Variants in ACAP2 observed in about 807,000 individuals in gnomAD.
ACAP2 encodes ArfGAP with coiled-coil, ankyrin repeat and PH domains 2, also known as arf-GAP with coiled-coil, ANK repeat and PH domain-containing protein 2.
Under a neutral mutation model 115.8 loss-of-function variants are expected in ACAP2, and 39 were observed. That is an observed-to-expected ratio of 0.34 (90% CI 0.26 to 0.44). The LOEUF is 0.44. Among genes scored for constraint, ACAP2 ranks in the 20% least tolerant of loss-of-function variants. ACAP2 has a pLI of 1.00. For synonymous variants in ACAP2, 289 were observed against 315.8 expected, an observed-to-expected ratio of 0.92 and a Z score of 0.90; for missense variants, 662 against 927.6, an observed-to-expected ratio of 0.71 and a Z score of 3.72.
Position 195,276,592 on chromosome 3 carries a change from A to G in ACAP2, c.*2736T>C, listed in dbSNP as rs1307288887. On this transcript the variant is annotated 3_prime_UTR_variant, in exon 23 of 23. Transcript: ENST00000326793. ...AATAATAAGGAATAAGAAACTAATAATAGCAGATAAGTTATGGAAAGAAAA... is the reference window on the plus strand; with the variant it reads ...AATAATAAGGAATAAGAAACTAATAGTAGCAGATAAGTTATGGAAAGAAAA... 6.6e-6 allele frequency: 1 copy of G among 152,244 alleles called. No individual in the cohort carries two copies. The highest frequency in any genetic ancestry group is 1.5e-5 in the Non-Finnish European group (1 of 68,040). 9.4% of individuals were successfully genotyped at this position (152,244 alleles called of 1,614,324 possible).
At chr3:195,312,004 TTATTAA>T (rs1468667457) in intron 10 of ACAP2, among the ~76,000 whole-genome samples, 3 of 150,636 alleles carry the variant, frequency 2.0e-5, no homozygotes, top group Non-Finnish European at 3.0e-5. Context: ...TTATTAAATA[TTATTAA>T]TATTAACATA....
At chr3:195,433,281 CTT>C (rs1577477601) in intron 1 of ACAP2, among the ~76,000 whole-genome samples, 1 of 152,182 alleles carries the variant, frequency 6.6e-6, no homozygotes, top group South Asian at 2.1e-4. Context: ...TTTATTTGTA[CTT>C]TGTTATCGTT....
chr3:195,275,930 C>T lies in ACAP2; in HGVS notation c.*3398G>A, dbSNP rs1221948055. On this transcript the variant is annotated 3_prime_UTR_variant, in exon 23 of 23. Coordinates refer to ENST00000326793, the MANE Select transcript of ACAP2 (RefSeq NM_012287.6). ...GTGACGACTAGTCCAGTGCTCCTTC[C>T]ACCGTATCATGCGGTTCTAAAGTCA... 2.0e-5 allele frequency: 3 copies of T among 152,610 alleles called. No homozygotes were observed. The highest frequency in any genetic ancestry group is 6.5e-5 in the Admixed American group (1 of 15,286). 9.5% of individuals were successfully genotyped at this position (152,610 alleles called of 1,614,324 possible).
chr3:195,369,709 CA>C (rs1732988626), intron 4 of ACAP2, among the ~76,000 whole-genome samples: 1 of 152,166 alleles, frequency 6.6e-6, no homozygotes, highest in African/African-American at 2.4e-5. Context: ...AACAGTGCTG[CA>C]ATGAACACTC....
At chr3:195,413,969 T>C (rs899232577) in intron 1 of ACAP2, among the ~76,000 whole-genome samples, 6 of 151,000 alleles carry the variant, frequency 4.0e-5, no homozygotes, top group African/African-American at 1.5e-4. Flanking sequence ...AATGAGACCC[T>C]GTCTCTTTAA....
At chr3:195,385,151 G>A (rs933307919) in intron 2 of ACAP2, among the ~76,000 whole-genome samples, 1 of 151,642 alleles carries the variant, frequency 6.6e-6, no homozygotes, top group Non-Finnish European at 1.5e-5. Context: ...CGTGGCTCAT[G>A]CCTGTAAGCC....
chr3:195,378,484 C>A (rs1393668719), intron 4 of ACAP2, among the ~76,000 whole-genome samples: 2 of 149,830 alleles, frequency 1.3e-5, no homozygotes, highest in Non-Finnish European at 3.0e-5. Context: ...GAGCGAGACT[C>A]CGTCTCAAAA....
intron 2 of ACAP2, among the ~76,000 whole-genome samples, chr3:195,383,737 T>C (rs1011479863): frequency 7.9e-5 from 12 of 151,308 alleles, no homozygotes; most frequent in Admixed American, 7.9e-4. Context: ...TTAAGATAAA[T>C]CACAAAGGAC....
intron 4 of ACAP2, among the ~76,000 whole-genome samples, chr3:195,357,072 A>ACTG (rs1413895307): frequency 6.6e-6 from 1 of 151,892 alleles, no homozygotes; most frequent in Non-Finnish European, 1.5e-5. Flanking sequence ...CTCTGGAACT[A>ACTG]CCCTAAGCCA....
chr3:195,389,886 A>T (rs1402060555), intron 2 of ACAP2, among the ~76,000 whole-genome samples: 1 of 152,226 alleles, frequency 6.6e-6, no homozygotes, highest in Non-Finnish European at 1.5e-5. Context: ...GCGCAAGAAG[A>T]GCGCTGAACT....
intron 6 of ACAP2, among the ~76,000 whole-genome samples, chr3:195,340,685 A>G (rs1730808532): frequency 6.6e-6 from 1 of 152,220 alleles, no homozygotes; most frequent in Non-Finnish European, 1.5e-5. Flanking sequence ...GTAAAACAGA[A>G]TAGTCAAGTT....
Position 195,376,288 on chromosome 3 carries a change from G to A in ACAP2, c.285+4721C>T, listed in dbSNP as rs987175628. ...GGGTGCCTGTAGTCCCAGCTACTCG[G>A]GAGGCGGATGCACAAGAATCACTTG... On this transcript the variant is annotated intron_variant, in intron 4 of 22. Transcript: ENST00000326793. Among the ~76,000 whole-genome samples, 6 of 152,214 alleles carry A rather than the reference G, an allele frequency of 3.9e-5. No homozygotes were observed. The East Asian group carries it at 1.2e-3, about 29-fold the overall frequency.
chr3:195,423,840 G>T (rs1714391951), intron 1 of ACAP2, among the ~76,000 whole-genome samples: 1 of 151,708 alleles, frequency 6.6e-6, no homozygotes, highest in Admixed American at 6.6e-5. Flanking sequence ...ACTTTAAAAT[G>T]TAAAAACTTA....
At chr3:195,288,471 GC>G (rs1332386823) in intron 21 of ACAP2, among the ~76,000 whole-genome samples, 1 of 152,108 alleles carries the variant, frequency 6.6e-6, no homozygotes, top group Non-Finnish European at 1.5e-5. Context: ...AGTACAGTTG[GC>G]CGCTGTCCTT....
Position 195,400,276 on chromosome 3 carries a change from G to A in ACAP2, c.54-8129C>T, listed in dbSNP as rs1712173447. ...AATCATCCTACATGGAGAATTTGAGGTGGGAGGAGAGGTCTATAGAATCTT... is the reference window on the plus strand; with the variant it reads ...AATCATCCTACATGGAGAATTTGAGATGGGAGGAGAGGTCTATAGAATCTT... On this transcript the variant is annotated intron_variant, in intron 1 of 22. Transcript: ENST00000326793. Among the ~76,000 whole-genome samples the A allele has an allele frequency of 3.3e-5, 5 of 151,720 alleles. 1 individual carries two copies. In the South Asian group the frequency reaches 1.0e-3, roughly 31 times the overall value.
intron 10 of ACAP2, among the ~76,000 whole-genome samples, chr3:195,316,062 A>G (rs888112936): frequency 1.3e-5 from 2 of 152,148 alleles, no homozygotes; most frequent in African/African-American, 4.8e-5. Context: ...CTATGGATTT[A>G]CTGTATTTTC....
At chr3:195,385,064 A>G (rs916822457) in intron 2 of ACAP2, among the ~76,000 whole-genome samples, 2 of 152,182 alleles carry the variant, frequency 1.3e-5, no homozygotes, top group East Asian at 3.9e-4. Flanking sequence ...TGTATCACAC[A>G]TAACAATGGT....
chr3:195,344,164 G>A (rs1302277969), intron 5 of ACAP2, among the ~76,000 whole-genome samples: 1 of 152,212 alleles, frequency 6.6e-6, no homozygotes, highest in Admixed American at 6.5e-5. Flanking sequence ...GTTACAGTGA[G>A]TTATTATCAA....
chr3:195,366,857 G>T (rs977831189), intron 4 of ACAP2, among the ~76,000 whole-genome samples: 1 of 151,964 alleles, frequency 6.6e-6, no homozygotes, highest in African/African-American at 2.4e-5. Flanking sequence ...AAAAATGAAG[G>T]AGTCCTTTAC....
Sources: allele counts gnomAD v4.1 joint callset (sites outside exome capture counted in the v4.1 genomes callset), GRCh38; gene constraint gnomAD v4.1.1; transcripts MANE v1.5; gene names NCBI Gene and HGNC (gene_info 2026-07-23, HGNC 2026-07-21).